The following EPM2A variants were observed in gnomAD, a reference collection of about 807,000 sequenced individuals.
The protein encoded by EPM2A is laforin.
EPM2A carries 21 observed loss-of-function variants against 26.5 expected under a neutral mutation model. The ratio of observed to expected loss-of-function variants is 0.79; its 90% CI spans 0.56 to 1.14. The LOEUF (loss-of-function observed/expected upper bound fraction) is 1.14, where lower values mean the gene tolerates loss of function less well. EPM2A is among the 50% of genes most tolerant of loss of function. EPM2A has a pLI of 0.00. For synonymous variants in EPM2A, 217 were observed against 177.6 expected, an observed-to-expected ratio of 1.22 and a Z score of -1.76; for missense variants, 458 against 440.8, an observed-to-expected ratio of 1.04 and a Z score of -0.35.
intron 2 of EPM2A, among the ~76,000 whole-genome samples, chr6:145,617,280 C>T (rs909607813): frequency 1.3e-5 from 2 of 152,100 alleles, no homozygotes; most frequent in African/African-American, 2.4e-5. Flanking sequence ...TGAGATGTGC[C>T]GTTCACCTTC....
chr6:145,693,252 A>G (rs1781383738), intron 1 of EPM2A, among the ~76,000 whole-genome samples: 1 of 151,988 alleles, frequency 6.6e-6, no homozygotes, highest in Non-Finnish European at 1.5e-5. Flanking sequence ...TGATTTTCAT[A>G]TGTTGATTTT....
intron 2 of EPM2A, among the ~76,000 whole-genome samples, chr6:145,550,846 T>C (rs1220159203): frequency 6.6e-6 from 1 of 152,080 alleles, no homozygotes; most frequent in Admixed American, 6.6e-5. Context: ...ATACAAAATA[T>C]GTGTCCTTCC....
chr6:145,726,480 A>T (rs1412286110), intron 1 of EPM2A, among the ~76,000 whole-genome samples: 1 of 152,132 alleles, frequency 6.6e-6, no homozygotes, highest in Non-Finnish European at 1.5e-5. Flanking sequence ...AGACTACAGT[A>T]TGGAAATATG....
At chr6:145,657,234 C>T (rs150111122) in intron 2 of EPM2A, among the ~76,000 whole-genome samples, 1,650 of 151,702 alleles carry the variant, frequency 0.011, 13 homozygotes, top group Admixed American at 0.018. Context: ...GGACTACAGG[C>T]GAGCACCACC....
intron 1 of EPM2A, chr6:145,705,528 C>G (rs1035926052): frequency 4.4e-6 from 2 of 456,136 alleles, no homozygotes; most frequent in Non-Finnish European, 8.8e-6. Context: ...GCACTCCAGC[C>G]TGGGCGACAG....
chr6:145,423,639 C>G (rs1368440577), intron 4 of EPM2A, among the ~76,000 whole-genome samples: 1 of 152,178 alleles, frequency 6.6e-6, no homozygotes, highest in Admixed American at 6.5e-5. Context: ...TACCCACTTC[C>G]TGTTTTGAAC....
chr6:145,676,181 A>G (rs1070520), intron 2 of EPM2A, among the ~76,000 whole-genome samples: 97,368 of 151,960 alleles, frequency 0.64, 31,821 homozygotes, highest in African/African-American at 0.74. Context: ...TGACTACTGG[A>G]TAAATAATGA....
intron 1 of EPM2A, among the ~76,000 whole-genome samples, chr6:145,697,529 G>A (rs573993161): frequency 3.6e-4 from 54 of 152,068 alleles, no homozygotes; most frequent in Admixed American, 1.2e-3. Context: ...GAATTTCCTC[G>A]TCCTAATAAG....
chr6:145,451,364 T>C (rs149483181), intron 4 of EPM2A, among the ~76,000 whole-genome samples: 1 of 152,320 alleles, frequency 6.6e-6, no homozygotes, highest in Non-Finnish European at 1.5e-5. Flanking sequence ...AAAAAATCCA[T>C]TGTAGGTACA....
chr6:145,470,639 T>C (rs1779461435), intron 4 of EPM2A, among the ~76,000 whole-genome samples: 1 of 152,200 alleles, frequency 6.6e-6, no homozygotes, highest in Non-Finnish European at 1.5e-5. Context: ...TGATTTGCTC[T>C]AGGACATTCC....
At chr6:145,595,697 A>G (rs1477193977) in intron 2 of EPM2A, among the ~76,000 whole-genome samples, 2 of 152,108 alleles carry the variant, frequency 1.3e-5, no homozygotes, top group Non-Finnish European at 2.9e-5. Context: ...TTGCATATTG[A>G]TTTTGAAATG....
chr6:145,597,493 T>C (rs1400222875), intron 2 of EPM2A, among the ~76,000 whole-genome samples: 1 of 152,016 alleles, frequency 6.6e-6, no homozygotes, highest in Non-Finnish European at 1.5e-5. Context: ...TTTGGTAAGT[T>C]TTACACTATC....
chr6:145,643,551 A>G (rs1777238264), intron 2 of EPM2A, among the ~76,000 whole-genome samples: 1 of 152,192 alleles, frequency 6.6e-6, no homozygotes, highest in African/African-American at 2.4e-5. Flanking sequence ...TCATATAGAA[A>G]TATCCACTGT....
At chr6:145,630,065 T>C (rs951049469) in intron 3 of EPM2A, 4 of 152,210 alleles carry the variant, frequency 2.6e-5, no homozygotes, top group Non-Finnish European at 4.4e-5. Flanking sequence ...ATTTTATGTG[T>C]AAAACATTCT....
At chr6:145,555,905 T>C (rs1780722706) in intron 2 of EPM2A, among the ~76,000 whole-genome samples, 1 of 152,130 alleles carries the variant, frequency 6.6e-6, no homozygotes, top group African/African-American at 2.4e-5. Context: ...AACTCAAACT[T>C]ATGCCTACCT....
chr6:145,642,346 A>C (rs1777145972), intron 2 of EPM2A, among the ~76,000 whole-genome samples: 2 of 152,140 alleles, frequency 1.3e-5, no homozygotes, highest in East Asian at 3.9e-4. Context: ...TTGCATACTG[A>C]ATTAGGAAGC....
chr6:145,404,314 T>A (rs1011661907), intron 4 of EPM2A, among the ~76,000 whole-genome samples: 1 of 152,148 alleles, frequency 6.6e-6, no homozygotes, highest in African/African-American at 2.4e-5. Flanking sequence ...TCCCATGGAT[T>A]GTCTGTTCAT....
intron 2 of EPM2A, among the ~76,000 whole-genome samples, chr6:145,586,011 C>A (rs1781191417): frequency 6.6e-6 from 1 of 152,130 alleles, no homozygotes; most frequent in Non-Finnish European, 1.5e-5. Flanking sequence ...GTAGTCTTAC[C>A]TTTCTAGTCC....
At chr6:145,635,109 T>TA in intron 3 of EPM2A, 136 bp downstream of exon 3, 1 of 965,086 alleles carries the variant, frequency 1.0e-6, no homozygotes, top group Non-Finnish European at 1.6e-6. Flanking sequence ...ATATGTATTA[T>TA]ATATATTAAA....
Sources: allele counts gnomAD v4.1 joint callset (sites outside exome capture counted in the v4.1 genomes callset), GRCh38; gene constraint gnomAD v4.1.1; transcripts MANE v1.5; gene names NCBI Gene and HGNC (gene_info 2026-07-23, HGNC 2026-07-21).